ERC1: variants seen among roughly 807,000 people sequenced by gnomAD.
ERC1 encodes the protein RAB6 interacting protein 2.
A neutral mutation model predicts 132.0 loss-of-function variants in ERC1; 56 were observed. The ratio of observed to expected loss-of-function variants is 0.42; its 90% CI spans 0.34 to 0.53. The LOEUF is 0.53. Ranked by LOEUF, ERC1 falls within the 20% of genes least tolerant of loss-of-function variation. The probability of loss-of-function intolerance (pLI) is 0.03; values close to 1 mark genes in which losing one functional copy is unlikely to be tolerated. For missense variants in ERC1, 1,202 were observed against 1,349.9 expected, an observed-to-expected ratio of 0.89 and a Z score of 1.72; for synonymous variants, 478 against 476.1, an observed-to-expected ratio of 1.00 and a Z score of -0.05.
chr12:1,374,592 G>A (rs1158453106), intron 16 of ERC1, among the ~76,000 whole-genome samples: 3 of 152,304 alleles, frequency 2.0e-5, no homozygotes, highest in South Asian at 2.1e-4. Flanking sequence ...TCAGGCCCCC[G>A]CACGAGATTT....
intron 18 of ERC1, among the ~76,000 whole-genome samples, chr12:1,461,590 C>T (rs1269642331): frequency 1.3e-5 from 2 of 152,106 alleles, no homozygotes; most frequent in African/African-American, 4.8e-5. Context: ...ATAGCTTGAA[C>T]CCAGGAGGCA....
chr12:1,001,570 CCTT>C (rs1565751629), intron 1 of ERC1, among the ~76,000 whole-genome samples: 2 of 152,084 alleles, frequency 1.3e-5, no homozygotes, highest in African/African-American at 4.8e-5. Flanking sequence ...AGGAGAATCA[CCTT>C]CTTTTTTTGT....
At chr12:1,375,017 A>G (rs1171806809) in intron 16 of ERC1, among the ~76,000 whole-genome samples, 2 of 152,112 alleles carry the variant, frequency 1.3e-5, no homozygotes, top group African/African-American at 4.8e-5. Context: ...GGCGTGAGGG[A>G]TACAAAAGCA....
intron 15 of ERC1, among the ~76,000 whole-genome samples, chr12:1,307,405 G>C (rs1347748708): frequency 6.6e-6 from 1 of 152,062 alleles, no homozygotes; most frequent in Non-Finnish European, 1.5e-5. Context: ...TTAGTAGTTG[G>C]GATTAAATAG....
At chr12:1,360,428 A>C (rs2085979936) in intron 15 of ERC1, among the ~76,000 whole-genome samples, 1 of 152,174 alleles carries the variant, frequency 6.6e-6, no homozygotes, top group Non-Finnish European at 1.5e-5. Context: ...TGGCTCAAAT[A>C]TATTTGTGAT....
chr12:1,305,026 C>T (rs186029125), intron 15 of ERC1, among the ~76,000 whole-genome samples: 49 of 151,936 alleles, frequency 3.2e-4, no homozygotes, highest in Middle Eastern at 6.8e-3. Context: ...CGGATCCACC[C>T]ACCTTGGCCT....
intron 16 of ERC1, among the ~76,000 whole-genome samples, chr12:1,395,100 G>C (rs536600642): frequency 6.6e-6 from 1 of 152,266 alleles, no homozygotes; most frequent in Admixed American, 6.5e-5. Context: ...AACTAGAATT[G>C]GATTGCATTA....
At chr12:1,309,147 A>G (rs1302968167) in intron 15 of ERC1, among the ~76,000 whole-genome samples, 1 of 152,234 alleles carries the variant, frequency 6.6e-6, no homozygotes, top group Non-Finnish European at 1.5e-5. Context: ...TACCTAGTTT[A>G]TGATATTTTG....
At chr12:1,210,761 C>T (rs1416354722) in intron 12 of ERC1, among the ~76,000 whole-genome samples, 3 of 151,978 alleles carry the variant, frequency 2.0e-5, no homozygotes, top group East Asian at 1.9e-4. Context: ...TTTGGGAGGC[C>T]GAGGCAGATG....
intron 15 of ERC1, among the ~76,000 whole-genome samples, chr12:1,333,109 C>A (rs531833125): frequency 2.0e-5 from 3 of 149,812 alleles, no homozygotes; most frequent in South Asian, 2.1e-4. Context: ...TCTCACCCCC[C>A]CTCCTCCATT....
At chr12:1,472,255 T>C (rs1296391004) in intron 18 of ERC1, among the ~76,000 whole-genome samples, 1 of 152,104 alleles carries the variant, frequency 6.6e-6, no homozygotes, top group Non-Finnish European at 1.5e-5. Flanking sequence ...AGTTGCAGAG[T>C]TTTCAGTGCC....
At chr12:1,435,935 A>G (rs746018073) in intron 17 of ERC1, among the ~76,000 whole-genome samples, 5 of 152,140 alleles carry the variant, frequency 3.3e-5, no homozygotes, top group Non-Finnish European at 4.4e-5. Flanking sequence ...CTCTCAGGCC[A>G]TGTTCTTATT....
intron 12 of ERC1, among the ~76,000 whole-genome samples, chr12:1,216,601 T>TGGGGGAGGAGGGACGGGGGG (rs1555310913): frequency 1.2e-4 from 1 of 8,644 alleles, no homozygotes; most frequent in African/African-American, 2.4e-4. Flanking sequence ...CTTGGTGGGG[T>TGGGGGAGGAGGGACGGGGGG]CGGGGAGGAG....
At chr12:1,137,100 C>CTTTTTTTTTTTTTTT (rs944757047) in intron 7 of ERC1, among the ~76,000 whole-genome samples, 4 of 122,914 alleles carry the variant, frequency 3.3e-5, no homozygotes, top group East Asian at 2.2e-4. Flanking sequence ...TTTTTCTTTT[C>CTTTTTTTTTTTTTTT]TTTTTTTTTT....
At chr12:1,091,543 A>T (rs1227152677) in intron 3 of ERC1, among the ~76,000 whole-genome samples, 1 of 152,206 alleles carries the variant, frequency 6.6e-6, no homozygotes. Flanking sequence ...CCAGAGTCAG[A>T]TTCACTTATC....
intron 15 of ERC1, among the ~76,000 whole-genome samples, chr12:1,332,269 G>A (rs2082922285): frequency 6.6e-6 from 1 of 152,006 alleles, no homozygotes; most frequent in South Asian, 2.1e-4. Context: ...CTTTTTCATA[G>A]CCTGCTGTAT....
chr12:1,098,466 A>G (rs1341568051), intron 3 of ERC1, among the ~76,000 whole-genome samples: 2 of 152,256 alleles, frequency 1.3e-5, no homozygotes, highest in African/African-American at 4.8e-5. Context: ...GTTAGACTCA[A>G]GAAATACTTC....
chr12:1,482,165 G>A (rs2094105786), intron 18 of ERC1, among the ~76,000 whole-genome samples: 1 of 152,140 alleles, frequency 6.6e-6, no homozygotes, highest in Admixed American at 6.5e-5. Flanking sequence ...TGAAGAGCTG[G>A]AATCGCTTCC....
At chr12:1,352,709 G>C (rs7305680) in intron 15 of ERC1, among the ~76,000 whole-genome samples, 1 of 150,736 alleles carries the variant, frequency 6.6e-6, no homozygotes, top group Non-Finnish European at 1.5e-5. Flanking sequence ...CATAGTGGTC[G>C]CAGACATTTG....
Sources: gnomAD v4.1 joint callset for allele counts (sites outside exome capture counted in the v4.1 genomes callset) on GRCh38, gnomAD v4.1.1 for gene constraint, MANE v1.5 for transcripts, NCBI Gene and HGNC (gene_info 2026-07-23, HGNC 2026-07-21) for gene names.